LIFR: variants seen among roughly 807,000 people sequenced by gnomAD.
LIFR encodes the protein LIF receptor subunit alpha.
Under a neutral mutation model 122.2 loss-of-function variants are expected in LIFR, and 84 were observed. The ratio of observed to expected loss-of-function variants is 0.69; its 90% CI spans 0.58 to 0.82. LIFR has a LOEUF of 0.82. Ranked by LOEUF, LIFR falls within the 40% of genes least tolerant of loss-of-function variation. The pLI is 0.00. For missense variants in LIFR, 1,294 were observed against 1,311.6 expected, an observed-to-expected ratio of 0.99 and a Z score of 0.21; for synonymous variants, 422 against 434.7, an observed-to-expected ratio of 0.97 and a Z score of 0.36.
chr5:38,583,700 G>A (rs1009444104), intron 1 of LIFR, among the ~76,000 whole-genome samples: 1 of 152,086 alleles, frequency 6.6e-6, no homozygotes, highest in African/African-American at 2.4e-5. Context: ...TATATGAAAA[G>A]GGTACTCAAC....
At chr5:38,526,725 T>A (rs1055115155) in intron 4 of LIFR, among the ~76,000 whole-genome samples, 2 of 152,186 alleles carry the variant, frequency 1.3e-5, no homozygotes, top group Non-Finnish European at 2.9e-5. Context: ...ACCATTATTA[T>A]TTATAATGCT....
chr5:38,500,603 A>T (rs992176046), intron 11 of LIFR, among the ~76,000 whole-genome samples: 1 of 152,196 alleles, frequency 6.6e-6, no homozygotes, highest in South Asian at 2.1e-4. Context: ...TGGATCTTGG[A>T]GCATTTCAGG....
intron 5 of LIFR, among the ~76,000 whole-genome samples, chr5:38,517,436 A>G (rs959700649): frequency 6.6e-6 from 1 of 152,178 alleles, no homozygotes; most frequent in South Asian, 2.1e-4. Flanking sequence ...GTTAAGCAAT[A>G]TAATTTAAAT....
chr5:38,550,384 C>G (rs902862130), intron 1 of LIFR: 5 of 199,436 alleles, frequency 2.5e-5, no homozygotes, highest in African/African-American at 9.5e-5. Context: ...CTTAATGATA[C>G]CAGATACCAG....
intron 1 of LIFR, among the ~76,000 whole-genome samples, chr5:38,543,919 T>C (rs955384836): frequency 2.0e-5 from 3 of 152,156 alleles, no homozygotes; most frequent in Admixed American, 6.5e-5. Context: ...TGTCCAAAAC[T>C]GATTGATTCA....
chr5:38,517,744 C>T (rs1746164207), intron 5 of LIFR, among the ~76,000 whole-genome samples: 1 of 149,762 alleles, frequency 6.7e-6, no homozygotes, highest in Admixed American at 6.7e-5. Flanking sequence ...GTAGTCCCAG[C>T]TACTGGGGAG....
chr5:38,505,963 A>G lies in LIFR; in HGVS notation c.1233T>C (p.Asn411=), dbSNP rs755651738. The stretch of plus-strand genomic sequence containing the variant: ...GTGATCGACCCAGCGGATTGTGAGC[A>G]TTCAAAGTAAAATTATATATTTCTT... The part of the protein sequence containing the change: ...PNQEIYNFTL[N]AHNPLGRSQS... The change falls in exon 9 of 20, where the codon AAT becomes AAC. Residue 411 remains asparagine (N), a synonymous_variant. Coordinates refer to ENST00000453190, the MANE Select transcript of LIFR (RefSeq NM_001127671.2). 1.2e-6 allele frequency: 2 copies of G among 1,611,082 alleles called. No individual in the cohort carries two copies. Among genetic ancestry groups the G allele is most frequent in the African/African-American group, 2.7e-5 (2 of 74,978 alleles).
chr5:38,580,115 TA>T (rs2112737681), intron 1 of LIFR, among the ~76,000 whole-genome samples: 1 of 152,354 alleles, frequency 6.6e-6, no homozygotes, highest in African/African-American at 2.4e-5. Context: ...TAAATTAGTA[TA>T]AAAGTACTTA....
At chr5:38,590,136 A>G (rs1218149993) in intron 1 of LIFR, among the ~76,000 whole-genome samples, 1 of 152,222 alleles carries the variant, frequency 6.6e-6, no homozygotes, top group Non-Finnish European at 1.5e-5. Context: ...CTGAATACAG[A>G]AATATAGGCT....
chr5:38,502,410 C>A (rs1745227969), intron 11 of LIFR, among the ~76,000 whole-genome samples: 1 of 152,074 alleles, frequency 6.6e-6, no homozygotes, highest in Admixed American at 6.6e-5. Flanking sequence ...CAGGCATGCA[C>A]CACCATGCCC....
At chr5:38,525,630 C>G (rs1463709527) in intron 4 of LIFR, among the ~76,000 whole-genome samples, 3 of 152,166 alleles carry the variant, frequency 2.0e-5, no homozygotes, top group Non-Finnish European at 2.9e-5. Flanking sequence ...TCAACAGTTA[C>G]ACAGCTGTAT....
At chr5:38,555,256 T>C (rs1205304056) in intron 1 of LIFR, among the ~76,000 whole-genome samples, 1 of 152,198 alleles carries the variant, frequency 6.6e-6, no homozygotes, top group African/African-American at 2.4e-5. Flanking sequence ...CAAGAAACTC[T>C]CTGGTAACAG....
rs1228725333 is a variant in LIFR at position 38,499,362 on chromosome 5, T to TG, written c.1671+150dup. The TG allele has an allele frequency of 1.6e-5, 10 of 642,982 alleles. No individual in the cohort carries two copies. In the South Asian group the frequency reaches 1.7e-4, roughly 11 times the overall value. The allele number at this position is 642,982 out of a possible 1,614,324, so 39.8% of individuals were successfully genotyped here. A position where few individuals can be genotyped will look rare whatever the true frequency, so the allele number is the denominator to read the frequency against. On this transcript the variant is annotated intron_variant, in intron 12 of 19. Coordinates refer to ENST00000453190, the MANE Select transcript of LIFR (RefSeq NM_001127671.2). Reference sequence around the variant, plus strand: ...GGGGAGTTAGGAGTGACGAGGAATTTGGGGGGTTTAGGAACCAGGTTAGAT... The same window carrying TG: ...GGGGAGTTAGGAGTGACGAGGAATTTGGGGGGGTTTAGGAACCAGGTTAGAT...
intron 4 of LIFR, among the ~76,000 whole-genome samples, chr5:38,525,223 G>A (rs1746615455): frequency 6.6e-6 from 1 of 152,184 alleles, no homozygotes; most frequent in South Asian, 2.1e-4. Context: ...TCCATTCTAT[G>A]AAATGTAGAC....
intron 4 of LIFR, among the ~76,000 whole-genome samples, chr5:38,525,043 G>A (rs1168645778): frequency 6.6e-6 from 1 of 152,138 alleles, no homozygotes; most frequent in African/African-American, 2.4e-5. Flanking sequence ...AAAGGTAAAA[G>A]AGAAAAAAAT....
At chr5:38,517,856 C>CAAAAAAAAAAAAAAAA (rs572954936) in intron 5 of LIFR, among the ~76,000 whole-genome samples, 157 of 15,022 alleles carry the variant, frequency 0.01, 22 homozygotes, top group East Asian at 0.035. Flanking sequence ...GACACTGTCT[C>CAAAAAAAAAAAAAAAA]AAAAAAAAAA....
intron 1 of LIFR, among the ~76,000 whole-genome samples, chr5:38,539,625 A>C (rs1747478731): frequency 6.6e-6 from 1 of 152,126 alleles, no homozygotes; most frequent in Admixed American, 6.5e-5. Context: ...GCTATACAAA[A>C]ATTCATTAAT....
intron 7 of LIFR, among the ~76,000 whole-genome samples, chr5:38,509,565 AAAAG>A (rs1331178094): frequency 2.6e-5 from 4 of 152,178 alleles, no homozygotes; most frequent in African/African-American, 4.8e-5. Flanking sequence ...GAGAATCATA[AAAAG>A]AAAGAAAGAA....
rs1743790136 is a variant in LIFR at position 38,477,699 on chromosome 5, CA to C, written c.*3895del. 1 of 218,004 alleles carries C rather than the reference CA, an allele frequency of 4.6e-6. No individual in the cohort carries two copies. Among genetic ancestry groups the C allele is most frequent in the Admixed American group, 5.8e-5 (1 of 17,198 alleles). The allele number at this position is 218,004 out of a possible 1,614,324, so 13.5% of individuals were successfully genotyped here. A position where few individuals can be genotyped will look rare whatever the true frequency, so the allele number is the denominator to read the frequency against. Reference sequence around the variant, plus strand: ...TTGAGTCAATAGTCTCAGATCCACACAAGCTAGATTTTGGTGTGTATCACCC... The same window carrying C: ...TTGAGTCAATAGTCTCAGATCCACACAGCTAGATTTTGGTGTGTATCACCC... On this transcript the variant is annotated 3_prime_UTR_variant, in exon 20 of 20. Transcript: ENST00000453190.
Sources: allele counts gnomAD v4.1 joint callset (sites outside exome capture counted in the v4.1 genomes callset), GRCh38; gene constraint gnomAD v4.1.1; transcripts MANE v1.5; gene names NCBI Gene and HGNC (gene_info 2026-07-23, HGNC 2026-07-21).